The following COG6 variants were observed in gnomAD, a reference collection of about 807,000 sequenced individuals.
COG6 encodes the protein conserved oligomeric Golgi complex subunit 6.
A neutral mutation model predicts 88.8 loss-of-function variants in COG6; 74 were observed. That is an observed-to-expected ratio of 0.83 (90% confidence interval 0.69 to 1.01). The LOEUF is 1.01. Among genes scored for constraint, COG6 ranks in the 50% least tolerant of loss-of-function variants. The probability of loss-of-function intolerance (pLI) is 0.00; values close to 1 mark genes in which losing one functional copy is unlikely to be tolerated. For synonymous variants in COG6, 286 were observed against 278.7 expected, an observed-to-expected ratio of 1.03 and a Z score of -0.26; for missense variants, 800 against 797.9, an observed-to-expected ratio of 1.00 and a Z score of -0.03.
intron 18 of COG6, among the ~76,000 whole-genome samples, chr13:39,772,631 C>T (rs149295774): frequency 6.6e-6 from 1 of 152,240 alleles, no homozygotes; most frequent in South Asian, 2.1e-4. Flanking sequence ...AGTCACATCA[C>T]GTATCATCTG....
chr13:39,751,063 G>A lies in COG6; in HGVS notation c.1944G>A (p.Ser648=), dbSNP rs756904160. ...YKDPENILHR[S]PQQVQTLLS ...ATCCAGAGAACATTCTTCACCGATC[G>A]CCGCAGCAAGTGCAGACGCTTCTTT... The change falls in exon 19 of 19, where the codon TCG becomes TCA. Residue 648 remains serine, a synonymous_variant. Transcript: ENST00000455146. 6.2e-6 allele frequency: 10 copies of A among 1,613,662 alleles called. No individual in the cohort carries two copies. Among genetic ancestry groups the A allele is most frequent in the South Asian group, 5.5e-5 (5 of 91,058 alleles).
intron 18 of COG6, among the ~76,000 whole-genome samples, chr13:39,741,557 AAG>A (rs1477873653): frequency 6.6e-6 from 1 of 152,204 alleles, no homozygotes; most frequent in Non-Finnish European, 1.5e-5. Context: ...TTAGAGAAAA[AAG>A]AGTAAAAAGA....
Position 39,682,445 on chromosome 13 carries a change from A to C in COG6, c.788+181A>C, listed in dbSNP as rs1158641319. Reference sequence around the variant, plus strand: ...GGGTATCAGCTTATTTGAATTTTACATACTATAGAATACAATATGGAAAGA... The same window carrying C: ...GGGTATCAGCTTATTTGAATTTTACCTACTATAGAATACAATATGGAAAGA... On this transcript the variant is annotated intron_variant, in intron 8 of 18. Coordinates refer to ENST00000455146, the MANE Select transcript of COG6 (RefSeq NM_020751.3). 12 of 550,452 alleles carry C rather than the reference A, an allele frequency of 2.2e-5. No homozygotes were observed. In the South Asian group the frequency reaches 2.7e-4, roughly 12 times the overall value. The allele number at this position is 550,452 out of a possible 1,614,324, so 34.1% of individuals were successfully genotyped here. A position where few individuals can be genotyped will look rare whatever the true frequency, so the allele number is the denominator to read the frequency against.
intron 13 of COG6, 35 bp from the exon 14 acceptor site, chr13:39,719,201 A>T (rs1196235627): frequency 1.2e-6 from 2 of 1,607,628 alleles, no homozygotes; most frequent in Non-Finnish European, 1.7e-6. Context: ...TAGTGGAAAA[A>T]ATATAAGGAG....
At chr13:39,663,112 A>G (rs1324849530) in intron 3 of COG6, among the ~76,000 whole-genome samples, 1 of 151,768 alleles carries the variant, frequency 6.6e-6, no homozygotes, top group African/African-American at 2.4e-5. Context: ...TTAGATGCAT[A>G]TGTTTATTAT....
At chr13:39,731,093 G>A (rs1054792974) in intron 18 of COG6, among the ~76,000 whole-genome samples, 102 of 152,102 alleles carry the variant, frequency 6.7e-4, no homozygotes, top group Middle Eastern at 3.4e-3. Context: ...AAAGTGCTGG[G>A]GTGACAGGCT....
chr13:39,787,866 C>T (rs1191677673), intron 18 of COG6, among the ~76,000 whole-genome samples: 1 of 152,094 alleles, frequency 6.6e-6, no homozygotes. Context: ...AAATACTATA[C>T]CATTTTATAT....
intron 8 of COG6, among the ~76,000 whole-genome samples, chr13:39,683,226 G>A (rs903872042): frequency 3.3e-4 from 50 of 152,246 alleles, no homozygotes; most frequent in African/African-American, 1.0e-3. Flanking sequence ...ATAAACAAAC[G>A]CATTTTAATT....
At chr13:39,702,586 A>G (rs971704865) in intron 13 of COG6, among the ~76,000 whole-genome samples, 3 of 152,096 alleles carry the variant, frequency 2.0e-5, no homozygotes, top group Non-Finnish European at 2.9e-5. Context: ...AAAGAGAGAT[A>G]AAACTAACAG....
chr13:39,659,817 T>G (rs1333863817), intron 2 of COG6, among the ~76,000 whole-genome samples: 3 of 152,168 alleles, frequency 2.0e-5, no homozygotes, highest in African/African-American at 7.2e-5. Flanking sequence ...AAATATCCCC[T>G]CATTGCATAA....
At chr13:39,732,392 A>T (rs918597052) in intron 18 of COG6, among the ~76,000 whole-genome samples, 1 of 152,230 alleles carries the variant, frequency 6.6e-6, no homozygotes, top group Non-Finnish European at 1.5e-5. Context: ...ATAAAATGCT[A>T]TTGCAGTGAG....
In COG6 at chr13:39,751,743, G is replaced by GA. The variant is rs1566039683; in HGVS notation, c.*657dup. 2.3e-6 allele frequency: 3 copies of GA among 1,286,836 alleles called. No homozygotes were observed. The highest frequency in any genetic ancestry group is 3.0e-6 in the Non-Finnish European group (3 of 988,462). The allele number at this position is 1,286,836 out of a possible 1,614,324, so 79.7% of individuals were successfully genotyped here. ...TTAAGTATACACTCAGCAATAATTAGAAAAAAAGGAGAGAGAAAAGTGATT... is the reference window on the plus strand; with the variant it reads ...TTAAGTATACACTCAGCAATAATTAGAAAAAAAAGGAGAGAGAAAAGTGATT... On this transcript the variant is annotated 3_prime_UTR_variant, in exon 19 of 19. Transcript: ENST00000455146.
In COG6 at chr13:39,706,953, A is replaced by G. The variant is rs1593439911; in HGVS notation, c.1284+7335A>G. Among the ~76,000 whole-genome samples the G allele has an allele frequency of 2.6e-5, 4 of 151,928 alleles. No homozygotes were observed. In the East Asian group the frequency reaches 7.7e-4, roughly 29 times the overall value. ...CCCACCTCAGCCTCCCAAAGTGCTG[A>G]TATTACAGGCATGAGCCACCATGCC... On this transcript the variant is annotated intron_variant, in intron 13 of 18. Coordinates refer to ENST00000455146, the MANE Select transcript of COG6 (RefSeq NM_020751.3).
intron 18 of COG6, among the ~76,000 whole-genome samples, chr13:39,728,462 T>C (rs1051743702): frequency 1.5e-5 from 2 of 134,218 alleles, no homozygotes; most frequent in African/African-American, 5.4e-5. Context: ...GCTGGAAATC[T>C]ATGGACCACT....
intron 13 of COG6, among the ~76,000 whole-genome samples, chr13:39,710,625 T>A (rs1878184327): frequency 6.6e-6 from 1 of 152,094 alleles, no homozygotes; most frequent in South Asian, 2.1e-4. Context: ...GTAAATTAAA[T>A]GAGGGAAATG....
At chr13:39,703,338 TG>T (rs1411267358) in intron 13 of COG6, among the ~76,000 whole-genome samples, 1 of 152,190 alleles carries the variant, frequency 6.6e-6, no homozygotes, top group Non-Finnish European at 1.5e-5. Context: ...TGGATTTCTG[TG>T]ATTCTAGTGA....
At chr13:39,686,719 T>G (rs1452184114) in intron 8 of COG6, among the ~76,000 whole-genome samples, 1 of 152,214 alleles carries the variant, frequency 6.6e-6, no homozygotes, top group Admixed American at 6.5e-5. Flanking sequence ...ATGTCAATTT[T>G]GGGATTGCAG....
chr13:39,665,232 C>A, intron 4 of COG6, 78 bp downstream of exon 4: 1 of 786,474 alleles, frequency 1.3e-6, no homozygotes, highest in Non-Finnish European at 2.3e-6. Flanking sequence ...AACTCCAAAT[C>A]AGAATTAAAG....
intron 18 of COG6, among the ~76,000 whole-genome samples, chr13:39,764,602 A>G (rs537400058): frequency 3.0e-4 from 45 of 152,110 alleles, no homozygotes; most frequent in African/African-American, 1.1e-3. Flanking sequence ...AGTATTTGCT[A>G]ATTTCCATTG....
Sources: gnomAD v4.1 joint callset for allele counts (sites outside exome capture counted in the v4.1 genomes callset) on GRCh38, gnomAD v4.1.1 for gene constraint, MANE v1.5 for transcripts, NCBI Gene and HGNC (gene_info 2026-07-23, HGNC 2026-07-21) for gene names.